MCPH1: variants seen among roughly 807,000 people sequenced by gnomAD.
MCPH1 encodes the protein microcephalin.
MCPH1 carries 104 observed loss-of-function variants against 84.5 expected under a neutral mutation model. That is an observed-to-expected ratio of 1.23 (90% CI 1.05 to 1.45). The LOEUF (loss-of-function observed/expected upper bound fraction) is 1.45, where lower values mean the gene tolerates loss of function less well. Ranked by LOEUF, MCPH1 falls within the 40% of genes most tolerant of loss-of-function variation. The pLI is 0.00. For missense variants in MCPH1, 1,498 were observed against 1,005.7 expected (o/e 1.49, Z -6.62); for synonymous variants, 514 against 366.8 (o/e 1.40, Z -4.58).
At chr8:6,569,734 C>T (rs1396377395) in intron 12 of MCPH1, among the ~76,000 whole-genome samples, 1 of 152,210 alleles carries the variant, frequency 6.6e-6, no homozygotes, top group Non-Finnish European at 1.5e-5. Context: ...TTTTGCCCCT[C>T]TTTAACATGG....
At position 6,583,272 on chromosome 8, in the gene MCPH1, C is replaced by T. The variant is rs187862157; in HGVS notation, c.2215-38182C>T. On this transcript the variant is annotated intron_variant, in intron 12 of 13. Transcript: ENST00000344683. ...TTTTTTTTTATTTCTTCTAAACAAA[C>T]GAGATACATGTGCAGAACGTGCAGG... 1.1e-3 allele frequency among the ~76,000 whole-genome samples: 170 copies of T among 151,760 alleles called. 1 individual carries two copies. The highest frequency in any genetic ancestry group is 7.6e-3 in the Admixed American group (115 of 15,220).
rs71525750 is a variant in MCPH1 at position 6,647,480 on chromosome 8, T to A, written c.*4431T>A. On this transcript the variant is annotated 3_prime_UTR_variant, in exon 14 of 14. Transcript: ENST00000344683. ...CTGCACAAGGTCTTGTATACAAATG[T>A]TCATAGCAACATTATTCATAATAAC... 4.1e-4 allele frequency: 63 copies of A among 152,312 alleles called. No homozygotes were observed. The highest frequency in any genetic ancestry group is 1.4e-3 in the African/African-American group (58 of 41,574). 9.4% of individuals were successfully genotyped at this position (152,312 alleles called of 1,614,324 possible). A position where few individuals can be genotyped will look rare whatever the true frequency, so the allele number is the denominator to read the frequency against.
At position 6,621,443 on chromosome 8, in the gene MCPH1, C is replaced by G; in HGVS notation, c.2215-11C>G. 6.2e-7 allele frequency: 1 copy of G among 1,613,786 alleles called. No individual in the cohort carries two copies. Among genetic ancestry groups the G allele is most frequent in the Non-Finnish European group, 8.5e-7 (1 of 1,179,912 alleles). ...CCCACCTCTGTAATTCTATCTCTGT[C>G]TGCCCCACAGCTGTGCCGAAGCGAG... On this transcript the variant is annotated splice_polypyrimidine_tract_variant and intron_variant, in intron 12 of 13. Coordinates refer to ENST00000344683, the MANE Select transcript of MCPH1 (RefSeq NM_024596.5).
chr8:6,495,979 A>T (rs1049681290), intron 11 of MCPH1, among the ~76,000 whole-genome samples: 1 of 152,220 alleles, frequency 6.6e-6, no homozygotes, highest in Admixed American at 6.5e-5. Context: ...TTTGTGAAAG[A>T]CAATTTTTCC....
At chr8:6,497,846 A>G (rs556648771) in intron 11 of MCPH1, among the ~76,000 whole-genome samples, 5 of 152,250 alleles carry the variant, frequency 3.3e-5, no homozygotes, top group Non-Finnish European at 7.3e-5. Context: ...AATATAATAG[A>G]TACATTGATT....
intron 3 of MCPH1, 57 bp from the exon 4 acceptor site, chr8:6,431,442 G>C (rs921265982): frequency 7.8e-7 from 1 of 1,281,486 alleles, no homozygotes; most frequent in Non-Finnish European, 1.1e-6. Context: ...ATTTAGTGCT[G>C]TGTCAATGTA....
chr8:6,522,553 C>T (rs755751544), intron 12 of MCPH1, among the ~76,000 whole-genome samples: 16 of 152,016 alleles, frequency 1.1e-4, no homozygotes, highest in Admixed American at 3.9e-4. Flanking sequence ...GCAGGTGTAT[C>T]ACTAGAGTCC....
At chr8:6,571,189 A>T (rs1826633790) in intron 12 of MCPH1, among the ~76,000 whole-genome samples, 1 of 152,242 alleles carries the variant, frequency 6.6e-6, no homozygotes, top group East Asian at 1.9e-4. Flanking sequence ...GTAAAACAAT[A>T]GATGAGTACA....
At chr8:6,455,008 G>A (rs1420751927) in intron 8 of MCPH1, 135 bp from the exon 9 acceptor site, 2 of 702,344 alleles carry the variant, frequency 2.8e-6, no homozygotes, top group Non-Finnish European at 5.1e-6. Flanking sequence ...ATCTCAAAGA[G>A]CCAGATATAT....
chr8:6,516,949 C>A (rs1309303364), intron 12 of MCPH1, among the ~76,000 whole-genome samples: 1 of 152,110 alleles, frequency 6.6e-6, no homozygotes, highest in East Asian at 1.9e-4. Flanking sequence ...CGCTTTGATT[C>A]CATTAGTGAT....
At chr8:6,428,664 G>T (rs1585697720) in intron 3 of MCPH1, among the ~76,000 whole-genome samples, 1 of 152,128 alleles carries the variant, frequency 6.6e-6, no homozygotes, top group Admixed American at 6.5e-5. Context: ...TGTTTTCAAG[G>T]TTCAGTATGT....
At chr8:6,456,121 C>T (rs1238525456) in intron 9 of MCPH1, among the ~76,000 whole-genome samples, 1 of 151,962 alleles carries the variant, frequency 6.6e-6, no homozygotes, top group African/African-American at 2.4e-5. Flanking sequence ...CTTGTAGAAA[C>T]TTAGATTTCT....
intron 12 of MCPH1, among the ~76,000 whole-genome samples, chr8:6,595,320 A>C (rs1183769510): frequency 1.3e-5 from 2 of 152,216 alleles, no homozygotes; most frequent in Non-Finnish European, 2.9e-5. Context: ...CTGTAGGAGC[A>C]AACAAGGGAT....
intron 12 of MCPH1, among the ~76,000 whole-genome samples, chr8:6,593,548 T>G (rs1057099774): frequency 1.3e-5 from 2 of 151,948 alleles, no homozygotes; most frequent in African/African-American, 4.8e-5. Context: ...AAGATAGCAT[T>G]TAATTATGTT....
At chr8:6,431,685 G>C in intron 4 of MCPH1, 99 bp downstream of exon 4, 1 of 815,146 alleles carries the variant, frequency 1.2e-6, no homozygotes, top group Non-Finnish European at 2.0e-6. Context: ...ATATTCAAGA[G>C]TTGTCTTAAA....
intron 12 of MCPH1, among the ~76,000 whole-genome samples, chr8:6,579,015 A>G (rs1318597732): frequency 6.6e-6 from 1 of 152,178 alleles, no homozygotes; most frequent in Non-Finnish European, 1.5e-5. Context: ...GTCTGGGGAT[A>G]TTTCAAAGGG....
chr8:6,459,912 G>A (rs867108502), intron 9 of MCPH1, among the ~76,000 whole-genome samples: 3 of 152,202 alleles, frequency 2.0e-5, no homozygotes, highest in Non-Finnish European at 2.9e-5. Context: ...AGAGCAGCAC[G>A]GCCTTGGTGT....
intron 4 of MCPH1, among the ~76,000 whole-genome samples, chr8:6,432,082 A>T (rs1420937422): frequency 2.6e-5 from 4 of 152,218 alleles, no homozygotes; most frequent in African/African-American, 9.6e-5. Context: ...CAAGTCCCTT[A>T]TATAAAATGC....
intron 4 of MCPH1, among the ~76,000 whole-genome samples, chr8:6,434,322 A>C (rs1802323999): frequency 6.6e-6 from 1 of 152,148 alleles, no homozygotes; most frequent in African/African-American, 2.4e-5. Context: ...AACCAGCCCC[A>C]CTGGCAGAGC....
Sources: allele counts gnomAD v4.1 joint callset (sites outside exome capture counted in the v4.1 genomes callset), GRCh38; gene constraint gnomAD v4.1.1; transcripts MANE v1.5; gene names NCBI Gene and HGNC (gene_info 2026-07-23, HGNC 2026-07-21).